Variants in ANKRD55 observed in about 807,000 individuals in gnomAD.
ANKRD55 encodes ankyrin repeat domain 55, also known as ankyrin repeat domain-containing protein 55.
ANKRD55 carries 41 observed loss-of-function variants against 60.6 expected under a neutral mutation model. That is an observed-to-expected ratio of 0.68 (90% CI 0.53 to 0.88). The LOEUF (loss-of-function observed/expected upper bound fraction) is 0.88. Among genes scored for constraint, ANKRD55 ranks in the 40% least tolerant of loss-of-function variants. The pLI is 0.00. For missense variants in ANKRD55, 732 were observed against 767.6 expected (o/e 0.95, Z 0.55); for synonymous variants, 264 against 290.3 (o/e 0.91, Z 0.92).
intron 5 of ANKRD55, among the ~76,000 whole-genome samples, chr5:56,167,238 G>T (rs952728956): frequency 6.6e-6 from 1 of 152,168 alleles, no homozygotes; most frequent in Non-Finnish European, 1.5e-5. Flanking sequence ...ATGGTAGAGC[G>T]TACTACACAC....
At chr5:56,145,164 A>C (rs529522440) in intron 6 of ANKRD55, among the ~76,000 whole-genome samples, 2 of 152,174 alleles carry the variant, frequency 1.3e-5, no homozygotes, top group Non-Finnish European at 2.9e-5. Context: ...GTCTCACTTA[A>C]TCCTCCAAAC....
chr5:56,226,241 C>T (rs1486363256), intron 2 of ANKRD55, among the ~76,000 whole-genome samples: 1 of 152,160 alleles, frequency 6.6e-6, no homozygotes, highest in Non-Finnish European at 1.5e-5. Context: ...AAAGGATTCC[C>T]TCTTTATTAA....
At chr5:56,173,543 T>TCC (rs1758657502) in intron 4 of ANKRD55, among the ~76,000 whole-genome samples, 1 of 25,796 alleles carries the variant, frequency 3.9e-5, no homozygotes, top group Non-Finnish European at 7.6e-5. Context: ...GAGATTCGCC[T>TCC]CTCTCTCTCT....
intron 5 of ANKRD55, among the ~76,000 whole-genome samples, chr5:56,162,880 T>C (rs903805032): frequency 2.0e-5 from 3 of 152,154 alleles, no homozygotes; most frequent in African/African-American, 4.8e-5. Context: ...TTCACTATAT[T>C]GCCCAGGCTG....
chr5:56,154,184 G>A (rs1048285481), intron 6 of ANKRD55, among the ~76,000 whole-genome samples: 1 of 109,804 alleles, frequency 9.1e-6, no homozygotes, highest in African/African-American at 3.5e-5. Context: ...CTGGGCAACA[G>A]AGTAAGACTC....
At chr5:56,210,336 A>G (rs1347589989) in intron 2 of ANKRD55, among the ~76,000 whole-genome samples, 1 of 152,132 alleles carries the variant, frequency 6.6e-6, no homozygotes, top group Non-Finnish European at 1.5e-5. Flanking sequence ...GTACTTTGGG[A>G]GGCCGAGGCG....
intron 9 of ANKRD55, among the ~76,000 whole-genome samples, chr5:56,112,459 G>C (rs1380238762): frequency 7.5e-6 from 1 of 134,158 alleles, no homozygotes; most frequent in Non-Finnish European, 1.5e-5. Flanking sequence ...TTGATGTCAA[G>C]AGTTTGAGAC....
At chr5:56,168,149 A>G (rs1758527024) in intron 5 of ANKRD55, among the ~76,000 whole-genome samples, 2 of 152,238 alleles carry the variant, frequency 1.3e-5, no homozygotes, top group African/African-American at 4.8e-5. Flanking sequence ...TATTGATGGA[A>G]TATGAGCAGA....
chr5:56,173,570 C>CTATATA (rs1403998682), intron 4 of ANKRD55, among the ~76,000 whole-genome samples: 6 of 110,968 alleles, frequency 5.4e-5, no homozygotes, highest in Non-Finnish European at 1.1e-4. Context: ...CTCTCTCTCT[C>CTATATA]TCTCTCTCTC....
In ANKRD55 at chr5:56,128,355, C is replaced by T. The variant is rs537886798; in HGVS notation, c.613-1249G>A. On this transcript the variant is annotated intron_variant, in intron 7 of 11. Transcript: ENST00000341048. Reference sequence around the variant, plus strand: ...ACTCGTACTCTCTTCCTTTCGCCTCCCTCGCCCCTGGGGTGGAGTCATTCT... The same window carrying T: ...ACTCGTACTCTCTTCCTTTCGCCTCTCTCGCCCCTGGGGTGGAGTCATTCT... Among the ~76,000 whole-genome samples, 10 of 152,238 alleles carry T rather than the reference C, an allele frequency of 6.6e-5. No individual in the cohort carries two copies. The South Asian group carries it at 1.9e-3, about 28-fold the overall frequency.
chr5:56,196,435 A>T (rs1241832435), intron 2 of ANKRD55, among the ~76,000 whole-genome samples: 1 of 152,222 alleles, frequency 6.6e-6, no homozygotes, highest in African/African-American at 2.4e-5. Context: ...CTGTGTGCTA[A>T]CTATTGTGCT....
At chr5:56,221,090 C>G (rs62362398) in intron 2 of ANKRD55, among the ~76,000 whole-genome samples, 3,161 of 152,252 alleles carry the variant, frequency 0.021, 54 homozygotes, top group Non-Finnish European at 0.03. Context: ...CCTGGGTTTA[C>G]TCCAGGCTCC....
chr5:56,173,670 G>C (rs996682802), intron 4 of ANKRD55, among the ~76,000 whole-genome samples: 1 of 140,212 alleles, frequency 7.1e-6, no homozygotes, highest in South Asian at 2.3e-4. Flanking sequence ...TCAGCCTCCC[G>C]AGTACCTGGA....
chr5:56,171,611 G>A (rs138102851), intron 4 of ANKRD55, among the ~76,000 whole-genome samples: 30 of 152,248 alleles, frequency 2.0e-4, no homozygotes, highest in African/African-American at 6.7e-4. Flanking sequence ...TGTCTCCTAC[G>A]TTCATCCAGA....
chr5:56,136,921 TTA>T (rs1209901746), intron 7 of ANKRD55: 1 of 417,472 alleles, frequency 2.4e-6, no homozygotes, highest in African/African-American at 2.1e-5. Context: ...AATTCTAAAA[TTA>T]TATAAGAATT....
At chr5:56,137,211 A>G (rs1360128899) in intron 7 of ANKRD55, 3 of 1,610,096 alleles carry the variant, frequency 1.9e-6, no homozygotes, top group East Asian at 4.5e-5. Context: ...GTGGGGCTGG[A>G]CACAAGGTCG....
At chr5:56,173,580 C>CTATATATATATA (rs1162215148) in intron 4 of ANKRD55, among the ~76,000 whole-genome samples, 3 of 59,770 alleles carry the variant, frequency 5.0e-5, no homozygotes, top group Admixed American at 2.4e-4. Context: ...CTCTCTCTCT[C>CTATATATATATA]TCTATATATA....
intron 2 of ANKRD55, among the ~76,000 whole-genome samples, chr5:56,215,322 T>A (rs113683525): frequency 0.011 from 1,622 of 152,306 alleles, 33 homozygotes; most frequent in African/African-American, 0.037. Flanking sequence ...CTCTTTCTCC[T>A]CCTCCTGGGA....
chr5:56,166,671 T>C (rs1289333978), intron 5 of ANKRD55, among the ~76,000 whole-genome samples: 1 of 152,192 alleles, frequency 6.6e-6, no homozygotes, highest in Non-Finnish European at 1.5e-5. Context: ...ACATGATCTA[T>C]AGTCCTACAT....
Sources: allele counts gnomAD v4.1 joint callset (sites outside exome capture counted in the v4.1 genomes callset), GRCh38; gene constraint gnomAD v4.1.1; transcripts MANE v1.5; gene names NCBI Gene and HGNC (gene_info 2026-07-23, HGNC 2026-07-21).